The following CHRM2 variants were observed in gnomAD, a reference collection of about 807,000 sequenced individuals.
CHRM2 encodes the protein muscarinic acetylcholine receptor M2.
Under a neutral mutation model 25.0 loss-of-function variants are expected in CHRM2, and 8 were observed. That is an observed-to-expected ratio of 0.32 (90% CI 0.19 to 0.58). The LOEUF is 0.58. CHRM2 is among the 20% of genes least tolerant of loss of function. The probability of loss-of-function intolerance (pLI) is 0.88; values close to 1 mark genes in which losing one functional copy is unlikely to be tolerated. For missense variants in CHRM2, 440 were observed against 567.1 expected (o/e 0.78, Z 2.28); for synonymous variants, 202 against 205.7 (o/e 0.98, Z 0.15).
At chr7:136,966,679 C>A (rs324586) in intron 2 of CHRM2, among the ~76,000 whole-genome samples, 3 of 151,626 alleles carry the variant, frequency 2.0e-5, no homozygotes, top group Non-Finnish European at 3.0e-5. Context: ...TAATACAAAC[C>A]GTAATACACA....
chr7:136,939,545 T>C (rs977806681), intron 2 of CHRM2, among the ~76,000 whole-genome samples: 3 of 152,262 alleles, frequency 2.0e-5, no homozygotes, highest in Admixed American at 6.5e-5. Flanking sequence ...GTTAGCATTC[T>C]ATGTATATGT....
At chr7:136,930,693 C>G (rs544305162) in intron 2 of CHRM2, among the ~76,000 whole-genome samples, 4 of 151,748 alleles carry the variant, frequency 2.6e-5, no homozygotes, top group South Asian at 2.1e-4. Context: ...GTCAGGAAAT[C>G]GAGACCATCG....
chr7:137,000,876 T>C (rs904733333), intron 3 of CHRM2, among the ~76,000 whole-genome samples: 13 of 152,160 alleles, frequency 8.5e-5, no homozygotes, highest in Non-Finnish European at 1.5e-4. Context: ...CCCCAGCATA[T>C]GAAAATATTG....
At chr7:136,925,188 C>T (rs1798672563) in intron 2 of CHRM2, among the ~76,000 whole-genome samples, 1 of 152,184 alleles carries the variant, frequency 6.6e-6, no homozygotes, top group African/African-American at 2.4e-5. Flanking sequence ...CGCTACTTCT[C>T]ATAAACCAAA....
At chr7:136,931,357 G>A (rs1260831325) in intron 2 of CHRM2, among the ~76,000 whole-genome samples, 1 of 152,168 alleles carries the variant, frequency 6.6e-6, no homozygotes, top group Non-Finnish European at 1.5e-5. Flanking sequence ...TAGCAGTTAA[G>A]TGATAAAGAT....
At chr7:136,941,471 G>A (rs1799767242) in intron 2 of CHRM2, among the ~76,000 whole-genome samples, 2 of 152,192 alleles carry the variant, frequency 1.3e-5, no homozygotes, top group East Asian at 3.8e-4. Flanking sequence ...TTATAAACAA[G>A]ACATTCAAAT....
intron 2 of CHRM2, among the ~76,000 whole-genome samples, chr7:136,991,782 GAAACTTAGC>G (rs1803248233): frequency 6.6e-6 from 1 of 152,128 alleles, no homozygotes; most frequent in African/African-American, 2.4e-5. Flanking sequence ...TCTGTATGAT[GAAACTTAGC>G]AAATATACTC....
At chr7:136,938,441 T>A (rs943373792) in intron 2 of CHRM2, 10 of 1,291,764 alleles carry the variant, frequency 7.7e-6, no homozygotes, top group Non-Finnish European at 1.0e-5. Flanking sequence ...TTGTTGAGGG[T>A]CTTGATCTGC....
intron 3 of CHRM2, among the ~76,000 whole-genome samples, chr7:137,008,364 A>G (rs551632987): frequency 2.6e-5 from 4 of 152,200 alleles, no homozygotes; most frequent in Admixed American, 2.6e-4. Context: ...ATTTGTACTG[A>G]AAGCTATGTA....
intron 2 of CHRM2, among the ~76,000 whole-genome samples, chr7:136,909,601 C>G (rs974196492): frequency 1.3e-5 from 2 of 151,772 alleles, no homozygotes; most frequent in African/African-American, 4.8e-5. Context: ...ATTATTATGC[C>G]AAACTATGTC....
chr7:136,953,138 T>C (rs1800516081), intron 2 of CHRM2, among the ~76,000 whole-genome samples: 1 of 152,150 alleles, frequency 6.6e-6, no homozygotes, highest in Admixed American at 6.6e-5. Flanking sequence ...CTTTAGGTCT[T>C]TGAGGAATCG....
At chr7:136,935,535 T>A (rs544523919) in intron 2 of CHRM2, among the ~76,000 whole-genome samples, 17 of 152,304 alleles carry the variant, frequency 1.1e-4, no homozygotes, top group African/African-American at 4.1e-4. Flanking sequence ...TTACAAATTG[T>A]CTTGAACTCG....
At chr7:136,975,041 A>G (rs1802024553) in intron 2 of CHRM2, among the ~76,000 whole-genome samples, 1 of 152,228 alleles carries the variant, frequency 6.6e-6, no homozygotes, top group Admixed American at 6.5e-5. Context: ...GGCTTACCAC[A>G]TGGCATGGAA....
intron 2 of CHRM2, among the ~76,000 whole-genome samples, chr7:136,976,423 A>G (rs2130952592): frequency 6.6e-6 from 1 of 152,266 alleles, no homozygotes; most frequent in South Asian, 2.1e-4. Context: ...TTCAGTCCTG[A>G]CAATACTCTA....
At chr7:136,996,836 G>A (rs1010606211) in intron 3 of CHRM2, among the ~76,000 whole-genome samples, 1 of 152,190 alleles carries the variant, frequency 6.6e-6, no homozygotes, top group Non-Finnish European at 1.5e-5. Flanking sequence ...AGGTCATAGA[G>A]TGTGAGCCTA....
intron 2 of CHRM2, among the ~76,000 whole-genome samples, chr7:136,950,364 C>A (rs1274574089): frequency 1.3e-5 from 2 of 152,156 alleles, no homozygotes; most frequent in Non-Finnish European, 2.9e-5. Flanking sequence ...CTCCAGGATG[C>A]TCCTGTCCCT....
At chr7:136,915,335 T>C (rs1320074553) in intron 2 of CHRM2, among the ~76,000 whole-genome samples, 2 of 151,932 alleles carry the variant, frequency 1.3e-5, no homozygotes, top group African/African-American at 4.8e-5. Flanking sequence ...ATGCACACCA[T>C]CAGATTGTTA....
chr7:136,976,322 T>G (rs967676836), intron 2 of CHRM2, among the ~76,000 whole-genome samples: 4 of 152,078 alleles, frequency 2.6e-5, no homozygotes, highest in African/African-American at 9.7e-5. Context: ...CATTACTGAT[T>G]TGTGGTGATA....
intron 2 of CHRM2, among the ~76,000 whole-genome samples, chr7:136,952,381 TTTAAA>T (rs1800464955): frequency 2.0e-5 from 3 of 152,172 alleles, no homozygotes; most frequent in African/African-American, 4.8e-5. Flanking sequence ...TATAGACTTA[TTTAAA>T]GCGTATCGAA....
Sources: allele counts gnomAD v4.1 joint callset (sites outside exome capture counted in the v4.1 genomes callset), GRCh38; gene constraint gnomAD v4.1.1; transcripts MANE v1.5; gene names NCBI Gene and HGNC (gene_info 2026-07-23, HGNC 2026-07-21).